Variants in CCDC93 observed in about 807,000 individuals in gnomAD.
The protein encoded by CCDC93 is CCC complex scaffolding subunit CCDC93.
A neutral mutation model predicts 108.2 loss-of-function variants in CCDC93; 61 were observed. The observed-to-expected ratio is 0.56, with a 90% CI of 0.46 to 0.70. CCDC93 has a LOEUF of 0.70. CCDC93 is among the 30% of genes least tolerant of loss of function. CCDC93 has a pLI of 0.00. For synonymous variants in CCDC93, 276 were observed against 260.4 expected (o/e 1.06, Z -0.58); for missense variants, 685 against 764.2 (o/e 0.90, Z 1.22).
chr2:117,954,537 T>C (rs17511561), intron 12 of CCDC93, among the ~76,000 whole-genome samples: 8,048 of 152,296 alleles, frequency 0.053, 285 homozygotes, highest in Non-Finnish European at 0.082. Context: ...AGGATTCTCT[T>C]ACCTCTATTT....
intron 22 of CCDC93, among the ~76,000 whole-genome samples, chr2:117,932,443 C>T (rs1213788008): frequency 2.0e-5 from 3 of 152,230 alleles, no homozygotes; most frequent in Non-Finnish European, 2.9e-5. Flanking sequence ...TCCCCAAGGC[C>T]TATCCCAATG....
Position 117,923,247 on chromosome 2 carries a change from G to GGGGA in CCDC93, c.1843-2855_1843-2852dup, listed in dbSNP as rs531162354. Among the ~76,000 whole-genome samples the GGGGA allele has an allele frequency of 9.4e-4, 143 of 152,248 alleles. No individual in the cohort carries two copies. The Middle Eastern group carries it at 0.024, about 25-fold the overall frequency. Reference sequence around the variant, plus strand: ...ACTGAGGTACCGGGTTCACCTCACTGGGGAGTGTCAGAAAGTGGGTGCAAG... The same window carrying GGGGA: ...ACTGAGGTACCGGGTTCACCTCACTGGGGAGGGAGTGTCAGAAAGTGGGTGCAAG... On this transcript the variant is annotated intron_variant, in intron 23 of 23. Transcript: ENST00000376300.
chr2:117,986,158 C>CAATT, intron 6 of CCDC93, 89 bp from the exon 7 acceptor site: 1 of 350,880 alleles, frequency 2.8e-6, no homozygotes, highest in Non-Finnish European at 4.9e-6. Flanking sequence ...GGGGTATATT[C>CAATT]TCTTTTTTTT....
At chr2:117,975,107 T>G (rs1300015775) in intron 9 of CCDC93, 81 bp downstream of exon 9, 5 of 1,299,618 alleles carry the variant, frequency 3.8e-6, no homozygotes, top group Non-Finnish European at 5.5e-6. Context: ...GGTGGCCATT[T>G]GGGAACGCTA....
At chr2:117,968,421 G>A (rs529902943) in intron 11 of CCDC93, among the ~76,000 whole-genome samples, 2 of 152,300 alleles carry the variant, frequency 1.3e-5, no homozygotes, top group Admixed American at 6.5e-5. Flanking sequence ...ACTTCTTGTA[G>A]CACATTCAGG....
chr2:117,966,202 G>C (rs1235615211), intron 11 of CCDC93, among the ~76,000 whole-genome samples: 2 of 152,214 alleles, frequency 1.3e-5, no homozygotes, highest in Non-Finnish European at 2.9e-5. Context: ...CTAGTTCAGA[G>C]GGGCTGCCAG....
At chr2:117,933,650 C>CT (rs1678421980) in intron 22 of CCDC93, among the ~76,000 whole-genome samples, 1 of 152,062 alleles carries the variant, frequency 6.6e-6, no homozygotes, top group South Asian at 2.1e-4. Context: ...AGAGGACAGA[C>CT]TCCCCTGCCA....
At chr2:117,942,917 A>C (rs79388744) in intron 18 of CCDC93, among the ~76,000 whole-genome samples, 118 of 152,342 alleles carry the variant, frequency 7.7e-4, no homozygotes, top group African/African-American at 2.6e-3. Context: ...ACCCTAGTCC[A>C]TTAATTCTCT....
chr2:117,986,130 C>A, intron 6 of CCDC93, 61 bp from the exon 7 acceptor site: 1 of 796,708 alleles, frequency 1.3e-6, no homozygotes, highest in South Asian at 1.5e-5. Context: ...GAATTGGCTG[C>A]TGGATGCCTC....
intron 11 of CCDC93, among the ~76,000 whole-genome samples, chr2:117,965,788 A>G (rs1454317458): frequency 6.6e-6 from 1 of 152,180 alleles, no homozygotes; most frequent in African/African-American, 2.4e-5. Context: ...GCCTGGATGC[A>G]GATCTACTCA....
At chr2:117,943,489 C>T (rs1678771449) in intron 18 of CCDC93, among the ~76,000 whole-genome samples, 1 of 152,192 alleles carries the variant, frequency 6.6e-6, no homozygotes, top group Non-Finnish European at 1.5e-5. Context: ...TCTCACTGGC[C>T]TCTGCAGCCT....
At position 118,013,712 on chromosome 2, in the gene CCDC93, T is replaced by G. The variant is rs550915379; in HGVS notation, c.42+242A>C. Among the ~76,000 whole-genome samples the G allele has an allele frequency of 1.2e-3, 179 of 151,982 alleles. 1 individual carries two copies. The highest frequency in any genetic ancestry group is 4.1e-3 in the African/African-American group (171 of 41,460). On this transcript the variant is annotated intron_variant, in intron 1 of 23. Transcript: ENST00000376300. ...CAGGTGTCGGGCTAGGAAGGCCACC[T>G]GCGCCCCAAGAGACCCGGGAGCGGC... is the stretch of plus-strand genomic sequence containing the variant.
At position 117,918,439 on chromosome 2, in the gene CCDC93, T is replaced by C. The variant is rs990204949; in HGVS notation, c.*1904A>G. 2 of 152,212 alleles carry C rather than the reference T, an allele frequency of 1.3e-5. No individual in the cohort carries two copies. Among genetic ancestry groups the C allele is most frequent in the African/African-American group, 2.4e-5 (1 of 41,450 alleles). 9.4% of individuals were successfully genotyped at this position (152,212 alleles called of 1,614,324 possible). A position where few individuals can be genotyped will look rare whatever the true frequency, so the allele number is the denominator to read the frequency against. On this transcript the variant is annotated 3_prime_UTR_variant, in exon 24 of 24. Coordinates refer to ENST00000376300, the MANE Select transcript of CCDC93 (RefSeq NM_019044.5). ...CTTTCAAAAAGAATTACTGGTTGCT[T>C]TGGATTCATCATGCCATACTTTCCC... is the stretch of plus-strand genomic sequence containing the variant.
chr2:117,946,499 A>AG (rs1353806701), intron 16 of CCDC93, among the ~76,000 whole-genome samples: 2 of 152,184 alleles, frequency 1.3e-5, no homozygotes, highest in African/African-American at 4.8e-5. Flanking sequence ...AGAAAATTTA[A>AG]GGAACGGGTG....
chr2:117,972,481 A>G (rs1679796190), intron 11 of CCDC93, among the ~76,000 whole-genome samples: 1 of 152,172 alleles, frequency 6.6e-6, no homozygotes, highest in Admixed American at 6.5e-5. Flanking sequence ...TAGGCAGGGA[A>G]AAGTGTGGAA....
chr2:117,955,219 G>T (rs560399606), intron 12 of CCDC93, among the ~76,000 whole-genome samples: 1 of 152,236 alleles, frequency 6.6e-6, no homozygotes, highest in Admixed American at 6.5e-5. Flanking sequence ...CTGACAGATA[G>T]ATGTCTGTGA....
At chr2:117,964,605 AT>A (rs59540648) in intron 11 of CCDC93, among the ~76,000 whole-genome samples, 2,076 of 146,748 alleles carry the variant, frequency 0.014, 17 homozygotes, top group Non-Finnish European at 0.024. Flanking sequence ...AAGAAGTAGA[AT>A]TTTTTTTTTT....
chr2:117,980,386 G>A (rs893380018), intron 7 of CCDC93, among the ~76,000 whole-genome samples: 1 of 152,170 alleles, frequency 6.6e-6, no homozygotes, highest in African/African-American at 2.4e-5. Context: ...AGTCTGTGGA[G>A]ACTTTTAGGG....
At chr2:117,993,999 T>G (rs1680567039) in intron 6 of CCDC93, among the ~76,000 whole-genome samples, 1 of 152,220 alleles carries the variant, frequency 6.6e-6, no homozygotes, top group Non-Finnish European at 1.5e-5. Context: ...TCCAGTGTGC[T>G]GGGATTACAG....
Sources: gnomAD v4.1 joint callset for allele counts (sites outside exome capture counted in the v4.1 genomes callset) on GRCh38, gnomAD v4.1.1 for gene constraint, MANE v1.5 for transcripts, NCBI Gene and HGNC (gene_info 2026-07-23, HGNC 2026-07-21) for gene names.